Variants in WT1 observed in about 807,000 individuals in gnomAD.
WT1 encodes Wilms tumor protein.
In WT1, 8 loss-of-function variants were observed where a neutral mutation model predicts 60.8. The ratio of observed to expected loss-of-function variants is 0.13; its 90% CI spans 0.08 to 0.24. The LOEUF (loss-of-function observed/expected upper bound fraction) is 0.24, where lower values mean the gene tolerates loss of function less well. Ranked by LOEUF, WT1 falls within the 10% of genes least tolerant of loss-of-function variation. The pLI, the probability that WT1 is intolerant of heterozygous loss-of-function variation, is 1.00. For missense variants in WT1, 568 were observed against 711.8 expected, an observed-to-expected ratio of 0.80 and a Z score of 2.30; for synonymous variants, 312 against 297.1, an observed-to-expected ratio of 1.05 and a Z score of -0.52.
intron 1 of WT1, chr11:32,430,590 G>T: frequency 6.3e-7 from 1 of 1,599,492 alleles, no homozygotes. Context: ...AATCCTCAGA[G>T]CCCTGCTCCG....
chr11:32,400,520 A>G (rs1399321942), intron 5 of WT1: 15 of 292,278 alleles, frequency 5.1e-5, no homozygotes, highest in Non-Finnish European at 1.0e-4. Context: ...TGTCCTCAGA[A>G]GTGGGGATTA....
chr11:32,417,569 A>C lies in WT1; in HGVS notation c.965+8T>G. 4.3e-6 allele frequency: 7 copies of C among 1,612,704 alleles called. No individual in the cohort carries two copies. The highest frequency in any genetic ancestry group is 5.9e-6 in the Non-Finnish European group (7 of 1,178,768). On this transcript the variant is annotated splice_region_variant and intron_variant, in intron 4 of 9. Coordinates refer to ENST00000452863, the MANE Select transcript of WT1 (RefSeq NM_024426.6). ...TGTGGAAAGGCAATGGAATAGAGAA[A>C]ACCTTACCCCTTTAAGGTGGCTCCT...
rs1353446740 is a variant in WT1, at chr11:32,435,159, C to T, written c.202G>A (p.Gly68Arg). Residue 68 changes from glycine to arginine, a missense_variant, in exon 1 of 10, where the codon GGG becomes AGG. Around this residue, in one of 3 missense-constraint regions of WT1, gnomAD observed 523 missense variants for 565.1 expected, o/e 0.93. Coordinates refer to ENST00000452863, the MANE Select transcript of WT1 (RefSeq NM_024426.6). ...GAGCCCATTTGCTGCGGCTCAGACC[C>T]GGACGCCCCGCGGCTCCTCCGGCCC... is the stretch of plus-strand genomic sequence containing the variant. The T allele has an allele frequency of 2.0e-6, 3 of 1,521,682 alleles. No individual in the cohort carries two copies. The South Asian group carries it at 3.6e-5, about 18-fold the overall frequency. 94.3% of individuals were successfully genotyped at this position (1,521,682 alleles called of 1,614,324 possible).
chr11:32,399,105 A>G (rs557445877), intron 6 of WT1, among the ~76,000 whole-genome samples: 5 of 150,822 alleles, frequency 3.3e-5, no homozygotes, highest in Admixed American at 2.6e-4. Context: ...GCAGTGAGCC[A>G]AGATAGCGCC....
chr11:32,409,958 G>T (rs1429640211), intron 5 of WT1, among the ~76,000 whole-genome samples: 1 of 150,544 alleles, frequency 6.6e-6, no homozygotes, highest in East Asian at 2.0e-4. Flanking sequence ...ACAGAGTCTT[G>T]TTCTGTTGCC....
At chr11:32,426,927 C>T (rs1174359461) in intron 3 of WT1, among the ~76,000 whole-genome samples, 1 of 152,136 alleles carries the variant, frequency 6.6e-6, no homozygotes, top group Non-Finnish European at 1.5e-5. Flanking sequence ...CGCGGCCACT[C>T]CCCCACCCAA....
Position 32,430,477 on chromosome 11 carries a change from A to AGAGAGAGAGAGAGAGAGAGAGG in WT1, c.662-1859_662-1858insCCTCTCTCTCTCTCTCTCTCTC, listed in dbSNP as rs1564997667. On this transcript the variant is annotated intron_variant, in intron 1 of 9. Transcript: ENST00000452863. ...GAGGGAGAGAGAGAGAGAGAGAGAG[A>AGAGAGAGAGAGAGAGAGAGAGG]GAGAGAGAGAGAGACGAAATAGAAG... 74 of 1,580,434 alleles carry AGAGAGAGAGAGAGAGAGAGAGG rather than the reference A, an allele frequency of 4.7e-5. No individual in the cohort carries two copies. The East Asian group carries it at 1.6e-3, about 34-fold the overall frequency.
chr11:32,411,496 G>A (rs1852497217), intron 5 of WT1, among the ~76,000 whole-genome samples: 1 of 152,096 alleles, frequency 6.6e-6, no homozygotes, highest in Non-Finnish European at 1.5e-5. Flanking sequence ...GACAGGAAAG[G>A]GTCTAAAATT....
At chr11:32,425,450 C>A (rs1423588721) in intron 3 of WT1, among the ~76,000 whole-genome samples, 2 of 152,206 alleles carry the variant, frequency 1.3e-5, no homozygotes, top group Non-Finnish European at 2.9e-5. Context: ...ATTACATTCA[C>A]AAAAGCATTT....
At chr11:32,431,810 C>A (rs1853322164) in intron 1 of WT1, among the ~76,000 whole-genome samples, 1 of 152,082 alleles carries the variant, frequency 6.6e-6, no homozygotes, top group Non-Finnish European at 1.5e-5. Context: ...CGTCAACCCC[C>A]ACACATGGAC....
Position 32,430,790 on chromosome 11 carries a change from C to T in WT1, c.662-2171G>A, listed in dbSNP as rs1853279035. The T allele has an allele frequency of 3.0e-6, 4 of 1,316,480 alleles. No homozygotes were observed. In the African/African-American group the frequency reaches 5.9e-5, roughly 19 times the overall value. 81.5% of individuals were successfully genotyped at this position (1,316,480 alleles called of 1,614,324 possible). A position where few individuals can be genotyped will look rare whatever the true frequency, so the allele number is the denominator to read the frequency against. ...CCTCAAACCCTCTCCTTCAGGTCCC[C>T]CCGGGAGGGGCAGTGGTGAAAGCGC... On this transcript the variant is annotated intron_variant, in intron 1 of 9. Coordinates refer to ENST00000452863, the MANE Select transcript of WT1 (RefSeq NM_024426.6).
At chr11:32,400,454 T>C in intron 5 of WT1, 1 of 343,248 alleles carries the variant, frequency 2.9e-6, no homozygotes, top group South Asian at 2.4e-5. Flanking sequence ...CGGCACCTCA[T>C]GACTCAGTTT....
intron 5 of WT1, among the ~76,000 whole-genome samples, chr11:32,401,968 G>A (rs1852171892): frequency 6.6e-6 from 1 of 152,150 alleles, no homozygotes; most frequent in Non-Finnish European, 1.5e-5. Context: ...GTAAGCTGGT[G>A]GGTGGATCAG....
At chr11:32,417,305 C>A in intron 4 of WT1, 2 of 464,468 alleles carry the variant, frequency 4.3e-6, no homozygotes, top group Non-Finnish European at 7.8e-6. Flanking sequence ...GGTTGAATAG[C>A]CTTTGAAGAA....
intron 7 of WT1, among the ~76,000 whole-genome samples, chr11:32,394,738 T>C (rs1406444150): frequency 6.6e-6 from 1 of 152,198 alleles, no homozygotes; most frequent in Non-Finnish European, 1.5e-5. Flanking sequence ...GATTGTTAAA[T>C]ACCAACCTGC....
chr11:32,407,823 G>A (rs965130354), intron 5 of WT1, among the ~76,000 whole-genome samples: 11 of 151,792 alleles, frequency 7.2e-5, no homozygotes, highest in African/African-American at 2.7e-4. Context: ...CAAGAGAAGA[G>A]GCTGAACACA....
At chr11:32,412,100 G>A (rs190437739) in intron 5 of WT1, among the ~76,000 whole-genome samples, 7 of 152,196 alleles carry the variant, frequency 4.6e-5, no homozygotes, top group African/African-American at 9.6e-5. Context: ...TTATGTTCAC[G>A]AGCCCGCGAG....
chr11:32,408,594 TGA>T (rs772855808), intron 5 of WT1, among the ~76,000 whole-genome samples: 17 of 106,584 alleles, frequency 1.6e-4, no homozygotes, highest in African/African-American at 5.2e-4. Context: ...AGGGAAAGAA[TGA>T]GAGAGAGAGA....
intron 3 of WT1, among the ~76,000 whole-genome samples, chr11:32,421,501 A>G (rs1051697423): frequency 4.6e-5 from 7 of 152,208 alleles, no homozygotes; most frequent in African/African-American, 1.7e-4. Context: ...TTTTTTTTAA[A>G]GTCACTTGTT....
Sources: gnomAD v4.1 joint callset for allele counts (sites outside exome capture counted in the v4.1 genomes callset) on GRCh38, gnomAD v4.1.1 for gene constraint, gnomAD v4.1.1 regional missense constraint, MANE v1.5 for transcripts, NCBI Gene and HGNC (gene_info 2026-07-23, HGNC 2026-07-21) for gene names.